OCA2: variants seen among roughly 807,000 people sequenced by gnomAD.
The protein encoded by OCA2 is OCA2 melanosomal transmembrane protein.
A neutral mutation model predicts 100.2 loss-of-function variants in OCA2; 77 were observed. The ratio of observed to expected loss-of-function variants is 0.77; its 90% CI spans 0.64 to 0.93. The LOEUF is 0.93. Among genes scored for constraint, OCA2 ranks in the 40% least tolerant of loss-of-function variants. The pLI is 0.00. For missense variants in OCA2, 1,062 were observed against 1,089.1 expected, an observed-to-expected ratio of 0.98 and a Z score of 0.35; for synonymous variants, 432 against 439.2, an observed-to-expected ratio of 0.98 and a Z score of 0.21.
the OCA2 span, among the ~76,000 whole-genome samples, chr15:27,747,638 T>C: frequency 9.9e-5 from 15 of 152,204 alleles, no homozygotes; most frequent in African/African-American, 3.4e-4. Context: ...AACAGGGAGG[T>C]TACCTAAAAC....
At chr15:27,943,688 A>C (rs1205605726) in intron 18 of OCA2, among the ~76,000 whole-genome samples, 2 of 151,604 alleles carry the variant, frequency 1.3e-5, no homozygotes, top group African/African-American at 4.9e-5. Flanking sequence ...AAAAAAAAAA[A>C]AAACCTTGGT....
intron 1 of OCA2, among the ~76,000 whole-genome samples, chr15:28,093,955 C>G (rs887572914): frequency 1.3e-5 from 2 of 152,192 alleles, no homozygotes; most frequent in Admixed American, 1.3e-4. Flanking sequence ...TTCCACCTCA[C>G]TTCCTGCCTC....
intron 10 of OCA2, 103 bp from the exon 11 acceptor site, chr15:27,989,769 G>A: frequency 9.7e-7 from 1 of 1,029,564 alleles, no homozygotes; most frequent in Non-Finnish European, 1.5e-6. Context: ...CAGTGGGCGG[G>A]CCAGGGTTGG....
chr15:27,725,679 T>C, the OCA2 span, among the ~76,000 whole-genome samples: 8 of 152,180 alleles, frequency 5.3e-5, no homozygotes, highest in Admixed American at 3.9e-4. Context: ...GCCCTTACTT[T>C]TCACTTGGGA....
At position 27,761,186 on chromosome 15, in the gene OCA2, G is replaced by GA. The variant is rs58906266; in HGVS notation, c.2433-5715dup. 4.0e-3 allele frequency among the ~76,000 whole-genome samples: 593 copies of GA among 148,300 alleles called. 2 individuals are homozygous for GA. Among genetic ancestry groups the GA allele is most frequent in the Non-Finnish European group, 5.8e-3 (390 of 66,898 alleles). On this transcript the variant is annotated intron_variant, in intron 23 of 23. Coordinates refer to ENST00000354638, the MANE Select transcript of OCA2 (RefSeq NM_000275.3). ...TTACATTAAAAAATCCTAAGAAATT[G>GA]AAAAAAAAAGCAAAACAAAACATTT...
intron 18 of OCA2, among the ~76,000 whole-genome samples, chr15:27,948,671 GC>G (rs1453136245): frequency 1.3e-5 from 2 of 152,046 alleles, no homozygotes; most frequent in Non-Finnish European, 2.9e-5. Context: ...TTGCCATGTT[GC>G]CCAGGCCGGT....
intron 19 of OCA2, among the ~76,000 whole-genome samples, chr15:27,913,153 G>GA (rs1471831754): frequency 1.7e-4 from 26 of 152,058 alleles, no homozygotes; most frequent in Non-Finnish European, 3.4e-4. Context: ...AAGTCATTAG[G>GA]AAAAAACTGA....
chr15:27,720,159 C>A, the OCA2 span, among the ~76,000 whole-genome samples: 3 of 152,022 alleles, frequency 2.0e-5, no homozygotes, highest in Non-Finnish European at 2.9e-5. Context: ...ATAGTGCACA[C>A]AAATATGCAT....
Position 27,985,155 on chromosome 15 carries a change from T to G in OCA2, c.1273A>C (p.Met425Leu), listed in dbSNP as rs201484597. Residue 425 changes from methionine (M) to leucine (L), a missense_variant, in exon 13 of 24, where the codon ATG becomes CTG. Coordinates refer to ENST00000354638, the MANE Select transcript of OCA2 (RefSeq NM_000275.3). Reference protein sequence around the residue: ...YRLSRGRVWAMIIMLCLIAAV... With the variant: ...YRLSRGRVWALIIMLCLIAAV... ...GCGATGAGACAGAGCATGATGATCA[T>G]GGCCCACACCCGTCCCCGGGAGAGC... 6.2e-7 allele frequency: 1 copy of G among 1,613,876 alleles called. No homozygotes were observed. The highest frequency in any genetic ancestry group is 1.3e-5 in the African/African-American group (1 of 75,040).
chr15:27,983,248 G>T (rs1021677312), intron 14 of OCA2, 97 bp downstream of exon 14: 2 of 1,461,154 alleles, frequency 1.4e-6, no homozygotes, highest in Non-Finnish European at 1.9e-6. Flanking sequence ...GTGGCGTGAT[G>T]ATCTTGATTT....
chr15:27,948,729 G>A (rs2039928956), intron 18 of OCA2, among the ~76,000 whole-genome samples: 1 of 152,196 alleles, frequency 6.6e-6, no homozygotes, highest in Admixed American at 6.5e-5. Flanking sequence ...GCCTTCCAAA[G>A]TGCTAGGATT....
At chr15:27,726,300 A>T in the OCA2 span, among the ~76,000 whole-genome samples, 1 of 146,434 alleles carries the variant, frequency 6.8e-6, no homozygotes, top group Non-Finnish European at 1.5e-5. Context: ...TCCAGCTCAA[A>T]AAATAAATAA....
At chr15:27,911,388 C>A (rs1049055922) in intron 19 of OCA2, among the ~76,000 whole-genome samples, 4 of 151,868 alleles carry the variant, frequency 2.6e-5, no homozygotes, top group African/African-American at 9.7e-5. Context: ...GCACTTCAAG[C>A]ACAATAGAAT....
At chr15:27,891,106 T>C (rs1158592780) in intron 19 of OCA2, among the ~76,000 whole-genome samples, 1 of 152,054 alleles carries the variant, frequency 6.6e-6, no homozygotes, top group Non-Finnish European at 1.5e-5. Flanking sequence ...AATAGATTAT[T>C]CCTTTCCCTA....
In OCA2 at chr15:28,027,911, G is replaced by A. The variant is rs1190723703; in HGVS notation, c.475C>T (p.Leu159=). 2.5e-6 allele frequency: 4 copies of A among 1,613,916 alleles called. No homozygotes were observed. Among genetic ancestry groups the A allele is most frequent in the South Asian group, 2.2e-5 (2 of 91,054 alleles). The stretch of plus-strand genomic sequence containing the variant: ...CGGAGTCGGATGTGCGGGCTGTCCA[G>A]AAGGTCTCCCTTCTCGGAGGAGGCA... ...ASASSEKGDL[L]DSPHIRLRLS... The change falls in exon 4 of 24, where the codon CTG becomes TTG. Residue 159 remains leucine, a synonymous_variant. Transcript: ENST00000354638.
chr15:27,995,966 C>T (rs2141061437), intron 9 of OCA2, among the ~76,000 whole-genome samples: 1 of 152,156 alleles, frequency 6.6e-6, no homozygotes, highest in Admixed American at 6.5e-5. Flanking sequence ...GCAAGCACCA[C>T]CATGCCTGAC....
intron 15 of OCA2, among the ~76,000 whole-genome samples, chr15:27,961,645 G>A (rs2040413866): frequency 6.6e-6 from 1 of 152,176 alleles, no homozygotes; most frequent in Non-Finnish European, 1.5e-5. Flanking sequence ...CATGTCCTTT[G>A]CAGGGACATG....
At chr15:28,015,452 G>A (rs1266673974) in intron 8 of OCA2, among the ~76,000 whole-genome samples, 1 of 152,128 alleles carries the variant, frequency 6.6e-6, no homozygotes, top group Non-Finnish European at 1.5e-5. Flanking sequence ...TCCTAACCCC[G>A]AGTACCTCCA....
intron 10 of OCA2, among the ~76,000 whole-genome samples, chr15:27,989,933 C>T (rs763970582): frequency 6.6e-6 from 1 of 152,190 alleles, no homozygotes; most frequent in Non-Finnish European, 1.5e-5. Flanking sequence ...GGGACTGGCC[C>T]CTGGTTACAT....
Sources: gnomAD v4.1 joint callset for allele counts (sites outside exome capture counted in the v4.1 genomes callset) on GRCh38, gnomAD v4.1.1 for gene constraint, MANE v1.5 for transcripts, NCBI Gene and HGNC (gene_info 2026-07-23, HGNC 2026-07-21) for gene names.